Variants in CACNA2D1 observed in about 807,000 individuals in gnomAD.
CACNA2D1 encodes voltage-dependent calcium channel subunit alpha-2/delta-1.
CACNA2D1 carries 53 observed loss-of-function variants against 171.5 expected under a neutral mutation model. The observed-to-expected ratio is 0.31, with a 90% confidence interval of 0.25 to 0.39. CACNA2D1 has a LOEUF of 0.39. Ranked by LOEUF, CACNA2D1 falls within the 10% of genes least tolerant of loss-of-function variation. CACNA2D1 has a pLI of 1.00. For missense variants in CACNA2D1, 903 were observed against 1,299.8 expected, an observed-to-expected ratio of 0.69 and a Z score of 4.69; for synonymous variants, 442 against 443.1, an observed-to-expected ratio of 1.00 and a Z score of 0.03.
intron 1 of CACNA2D1, among the ~76,000 whole-genome samples, chr7:82,419,236 G>A (rs931567980): frequency 1.3e-5 from 2 of 151,984 alleles, no homozygotes; most frequent in Non-Finnish European, 2.9e-5. Flanking sequence ...AAAAAGCCAA[G>A]CACTTTCAGC....
At chr7:82,353,155 C>T (rs1357393921) in intron 1 of CACNA2D1, among the ~76,000 whole-genome samples, 1 of 151,962 alleles carries the variant, frequency 6.6e-6, no homozygotes, top group African/African-American at 2.4e-5. Context: ...TGGACTCAGA[C>T]TAATTCAGTG....
intron 3 of CACNA2D1, among the ~76,000 whole-genome samples, chr7:82,192,041 AT>A (rs1798348299): frequency 6.6e-6 from 1 of 151,774 alleles, no homozygotes; most frequent in Admixed American, 6.6e-5. Flanking sequence ...ATCTAAAAAA[AT>A]GTTTGACTCT....
chr7:82,250,205 T>C (rs567121463), intron 3 of CACNA2D1, among the ~76,000 whole-genome samples: 1 of 152,258 alleles, frequency 6.6e-6, no homozygotes, highest in African/African-American at 2.4e-5. Context: ...AGGCTCCACC[T>C]CCCAACAGTG....
At chr7:81,991,565 C>T (rs1186970621) in intron 20 of CACNA2D1, among the ~76,000 whole-genome samples, 3 of 152,060 alleles carry the variant, frequency 2.0e-5, no homozygotes, top group Admixed American at 6.6e-5. Context: ...TCGGATATGT[C>T]CATACTAAAG....
intron 3 of CACNA2D1, among the ~76,000 whole-genome samples, chr7:82,197,810 A>AAAACAC (rs1798999000): frequency 6.6e-6 from 1 of 150,762 alleles, no homozygotes; most frequent in Non-Finnish European, 1.5e-5. Flanking sequence ...AAACTATACA[A>AAAACAC]ACACACACAC....
At chr7:82,399,604 G>A (rs1040147790) in intron 1 of CACNA2D1, among the ~76,000 whole-genome samples, 8 of 152,028 alleles carry the variant, frequency 5.3e-5, no homozygotes, top group South Asian at 2.1e-4. Flanking sequence ...GGAGACTGGC[G>A]AATCTTGTAT....
intron 4 of CACNA2D1, among the ~76,000 whole-genome samples, chr7:82,157,400 C>A (rs1171591170): frequency 1.3e-5 from 2 of 151,998 alleles, no homozygotes; most frequent in Non-Finnish European, 2.9e-5. Context: ...TTATTCATGT[C>A]TTTTTCCACC....
At chr7:82,222,898 C>CTT (rs796527774) in intron 3 of CACNA2D1, among the ~76,000 whole-genome samples, 3 of 124,542 alleles carry the variant, frequency 2.4e-5, no homozygotes, top group African/African-American at 5.5e-5. Flanking sequence ...TTCTTTCTTT[C>CTT]TTTTTTTTTT....
chr7:82,092,743 A>G (rs1811357650), intron 6 of CACNA2D1, among the ~76,000 whole-genome samples: 1 of 151,936 alleles, frequency 6.6e-6, no homozygotes, highest in Non-Finnish European at 1.5e-5. Context: ...TTAAATGAGT[A>G]AATAAATTGT....
At chr7:82,344,183 C>T (rs1447256494) in intron 2 of CACNA2D1, among the ~76,000 whole-genome samples, 3 of 152,174 alleles carry the variant, frequency 2.0e-5, no homozygotes, top group African/African-American at 7.2e-5. Flanking sequence ...CACGTAGCAA[C>T]CACCCCATGG....
chr7:82,407,122 C>T (rs1827146037), intron 1 of CACNA2D1, among the ~76,000 whole-genome samples: 3 of 152,170 alleles, frequency 2.0e-5, no homozygotes, highest in Non-Finnish European at 4.4e-5. Flanking sequence ...CAGCACGGCT[C>T]AAATTAACAA....
chr7:82,421,688 G>T (rs1828729022), intron 1 of CACNA2D1, among the ~76,000 whole-genome samples: 1 of 152,192 alleles, frequency 6.6e-6, no homozygotes, highest in South Asian at 2.1e-4. Context: ...TATGAAGAAT[G>T]CTTATATCCC....
chr7:82,217,634 T>TCACA lies in CACNA2D1; in HGVS notation c.295-47029_295-47026dup, dbSNP rs71522607. Among the ~76,000 whole-genome samples the TCACA allele has an allele frequency of 3.3e-3, 461 of 140,232 alleles. 1 individual carries two copies. Among genetic ancestry groups the TCACA allele is most frequent in the African/African-American group, 8.9e-3 (333 of 37,440 alleles). The allele number at this position is 140,232 out of a possible 152,430, so 92.0% of individuals were successfully genotyped here. The stretch of plus-strand genomic sequence containing the variant: ...ATCTATCAACATTCATGGCACAGTT[T>TCACA]CACACACACACACACACACACACAC... On this transcript the variant is annotated intron_variant, in intron 3 of 38. Coordinates refer to ENST00000356860, the MANE Select transcript of CACNA2D1 (RefSeq NM_000722.4).
intron 3 of CACNA2D1, among the ~76,000 whole-genome samples, chr7:82,192,524 G>T (rs1798436001): frequency 6.9e-6 from 1 of 145,208 alleles, no homozygotes. Flanking sequence ...ATAGAGACAG[G>T]TAAAAAGAAT....
intron 12 of CACNA2D1, chr7:82,030,007 G>A (rs924201060): frequency 2.0e-5 from 3 of 151,770 alleles, no homozygotes; most frequent in African/African-American, 7.3e-5. Flanking sequence ...CAGACAAAGA[G>A]CAGGACTGTT....
intron 3 of CACNA2D1, among the ~76,000 whole-genome samples, chr7:82,225,744 T>A (rs1233762423): frequency 6.6e-6 from 1 of 152,160 alleles, no homozygotes; most frequent in Non-Finnish European, 1.5e-5. Context: ...AGTCTTAAAG[T>A]TGCTGGTTTC....
chr7:82,044,335 C>G (rs1804296690), intron 10 of CACNA2D1, among the ~76,000 whole-genome samples: 1 of 152,140 alleles, frequency 6.6e-6, no homozygotes, highest in Non-Finnish European at 1.5e-5. Flanking sequence ...TAGGACACAA[C>G]TATAGTTTCT....
chr7:82,083,643 T>C (rs1036496313), intron 7 of CACNA2D1, among the ~76,000 whole-genome samples: 2 of 152,124 alleles, frequency 1.3e-5, no homozygotes, highest in African/African-American at 2.4e-5. Context: ...TTTTTCAATA[T>C]TTAAATCAAA....
chr7:81,983,406 A>G (rs1255288203), intron 22 of CACNA2D1, 72 bp from the exon 23 acceptor site: 2 of 1,093,518 alleles, frequency 1.8e-6, no homozygotes, highest in East Asian at 2.5e-5. Flanking sequence ...GGGGTCATAA[A>G]CAATATTTTA....
Sources: gnomAD v4.1 joint callset for allele counts (sites outside exome capture counted in the v4.1 genomes callset) on GRCh38, gnomAD v4.1.1 for gene constraint, MANE v1.5 for transcripts, NCBI Gene and HGNC (gene_info 2026-07-23, HGNC 2026-07-21) for gene names.